STARD7: variants seen among roughly 807,000 people sequenced by gnomAD.
STARD7 encodes stAR-related lipid transfer protein 7, mitochondrial.
A neutral mutation model predicts 45.3 loss-of-function variants in STARD7; 30 were observed. The observed-to-expected ratio is 0.66, with a 90% CI of 0.50 to 0.90. The LOEUF (loss-of-function observed/expected upper bound fraction) is 0.90. STARD7 is among the 40% of genes least tolerant of loss of function. The pLI, the probability that STARD7 is intolerant of heterozygous loss-of-function variation, is 0.00. For synonymous variants in STARD7, 199 were observed against 183.0 expected (o/e 1.09, Z -0.70); for missense variants, 495 against 491.3 (o/e 1.01, Z -0.07).
chr2:96,202,736 A>T (rs1295016674), intron 1 of STARD7, among the ~76,000 whole-genome samples: 1 of 152,222 alleles, frequency 6.6e-6, no homozygotes, highest in Non-Finnish European at 1.5e-5. Flanking sequence ...GGCACATGCC[A>T]CAACACCTGG....
At chr2:96,190,180 T>C (rs904146258) in intron 6 of STARD7, among the ~76,000 whole-genome samples, 3 of 152,112 alleles carry the variant, frequency 2.0e-5, no homozygotes, top group Non-Finnish European at 2.9e-5. Flanking sequence ...AAGATGAACC[T>C]ACAACATCTT....
chr2:96,187,459 AC>A, intron 6 of STARD7, 158 bp from the exon 7 acceptor site: 1 of 568,520 alleles, frequency 1.8e-6, no homozygotes, highest in Non-Finnish European at 3.1e-6. Context: ...GGCCTGAGAG[AC>A]TACTATCTAT....
At chr2:96,190,987 GA>G (rs949257678) in intron 6 of STARD7, among the ~76,000 whole-genome samples, 1 of 151,972 alleles carries the variant, frequency 6.6e-6, no homozygotes, top group African/African-American at 2.4e-5. Context: ...AGCATGGTGA[GA>G]CCCCATCTCT....
At chr2:96,187,478 TCTC>T in intron 6 of STARD7, 177 bp from the exon 7 acceptor site, 1 of 532,252 alleles carries the variant, frequency 1.9e-6, no homozygotes, top group Non-Finnish European at 3.4e-6. Flanking sequence ...TATAGAAAGG[TCTC>T]CTTGCAATGT....
chr2:96,208,641 G>A lies in STARD7; in HGVS notation c.-207C>T. On this transcript the variant is annotated 5_prime_UTR_variant, in exon 1 of 8. Coordinates refer to ENST00000337288, the MANE Select transcript of STARD7 (RefSeq NM_020151.4). ...GGGAGAGTCGGTCATGGCAGCAGAC[G>A]CCGGGATGGCTCCGCGACTGCTACA... 3 of 469,950 alleles carry A rather than the reference G, an allele frequency of 6.4e-6. No homozygotes were observed. Among genetic ancestry groups the A allele is most frequent in the South Asian group, 4.5e-5 (1 of 22,212 alleles). The allele number at this position is 469,950 out of a possible 1,614,324, so 29.1% of individuals were successfully genotyped here.
At chr2:96,203,664 G>C (rs937054561) in intron 1 of STARD7, among the ~76,000 whole-genome samples, 1 of 152,194 alleles carries the variant, frequency 6.6e-6, no homozygotes, top group Non-Finnish European at 1.5e-5. Context: ...GACACACCTA[G>C]AAATAAAAGA....
chr2:96,189,487 T>C (rs1573939891), intron 6 of STARD7, among the ~76,000 whole-genome samples: 1 of 152,108 alleles, frequency 6.6e-6, no homozygotes, highest in Admixed American at 6.6e-5. Context: ...GGCGGATCAC[T>C]TGAAGTCAGG....
chr2:96,187,362 C>T, intron 6 of STARD7, 61 bp from the exon 7 acceptor site: 1 of 1,022,686 alleles, frequency 9.8e-7, no homozygotes, highest in South Asian at 1.3e-5. Flanking sequence ...CCTCCATATC[C>T]AGTACCATAG....
In STARD7 at chr2:96,192,467, C is replaced by T; in HGVS notation, c.745G>A (p.Ala249Thr). 6.2e-7 allele frequency: 1 copy of T among 1,612,608 alleles called. No homozygotes were observed. The change falls in exon 6 of 8, where the codon GCT becomes ACT. Residue 249 changes from alanine to threonine, a missense_variant and splice_region_variant. Ala to Thr is a moderately conservative substitution (Grantham distance 58). Transcript: ENST00000337288. ...ENNMMVLVSR[A>T]VEHPSVPESP... ...TCTGGCACACTCGGATGCTCCACAG[C>T]ACTGGTAAGGAGGAAAGGAGAAGCA...
chr2:96,194,616 G>A (rs1193213279), intron 3 of STARD7, among the ~76,000 whole-genome samples: 2 of 152,122 alleles, frequency 1.3e-5, no homozygotes, highest in African/African-American at 4.8e-5. Context: ...AATACACACT[G>A]GAAGAATTTA....
At chr2:96,195,969 C>T (rs1400405135) in intron 1 of STARD7, among the ~76,000 whole-genome samples, 5 of 151,652 alleles carry the variant, frequency 3.3e-5, no homozygotes, top group Admixed American at 6.6e-5. Context: ...AAAAATTAAC[C>T]GGGCATGGTG....
Position 96,195,403 on chromosome 2 carries a change from T to C in STARD7, c.437A>G (p.Asp146Gly). 1 of 1,608,468 alleles carries C rather than the reference T, an allele frequency of 6.2e-7. No individual in the cohort carries two copies. Among genetic ancestry groups the C allele is most frequent in the Non-Finnish European group, 8.5e-7 (1 of 1,177,344 alleles). Residue 146 changes from aspartate to glycine, a missense_variant, in exon 2 of 8, where the codon GAT (aspartate) becomes GGT (glycine). Around this residue, in one of 2 missense-constraint regions of STARD7, gnomAD observed 282 missense variants for 220.1 expected, o/e 1.28. Coordinates refer to ENST00000337288, the MANE Select transcript of STARD7 (RefSeq NM_020151.4). ...CCGCCACAGCTTAAAGTGTTTCTTATCCATCACCATTTCCCAACGTTGCTC... is the reference window on the plus strand; with the variant it reads ...CCGCCACAGCTTAAAGTGTTTCTTACCCATCACCATTTCCCAACGTTGCTC... ...GKEQRWEMVM[D>G]KKHFKLWRRP...
intron 3 of STARD7, 88 bp downstream of exon 3, chr2:96,194,870 T>C: frequency 3.6e-6 from 4 of 1,125,306 alleles, no homozygotes; most frequent in Non-Finnish European, 5.2e-6. Context: ...CTTAAGCCAA[T>C]GTCACCTGAG....
intron 1 of STARD7, among the ~76,000 whole-genome samples, chr2:96,205,650 G>A (rs1489519770): frequency 6.6e-6 from 1 of 152,152 alleles, no homozygotes; most frequent in East Asian, 1.9e-4. Context: ...GACAACCTCA[G>A]CAGTGCCTAC....
intron 6 of STARD7, among the ~76,000 whole-genome samples, chr2:96,188,700 A>G (rs1351398741): frequency 1.3e-5 from 2 of 151,616 alleles, no homozygotes; most frequent in African/African-American, 4.8e-5. Context: ...CCTGGCCAAC[A>G]TGGCAAAACC....
intron 1 of STARD7, among the ~76,000 whole-genome samples, chr2:96,201,251 T>C (rs1021951135): frequency 3.3e-5 from 5 of 151,784 alleles, no homozygotes; most frequent in Non-Finnish European, 7.4e-5. Flanking sequence ...AAAATGAAAA[T>C]AGGCCTCAGT....
At chr2:96,192,087 T>C (rs1683133282) in intron 6 of STARD7, among the ~76,000 whole-genome samples, 1 of 152,184 alleles carries the variant, frequency 6.6e-6, no homozygotes, top group Non-Finnish European at 1.5e-5. Flanking sequence ...TCCTGAAGAA[T>C]GCTACTGATA....
At position 96,191,823 on chromosome 2, in the gene STARD7, A is replaced by G. The variant is rs193262598; in HGVS notation, c.843+546T>C. ...CATTATAAGGTGAAGTGGAACTAAA[A>G]CCAGCAGCCACTAGCATCAATATCT... On this transcript the variant is annotated intron_variant, in intron 6 of 7. Transcript: ENST00000337288. 2.8e-3 allele frequency among the ~76,000 whole-genome samples: 427 copies of G among 152,280 alleles called. 1 individual carries two copies. The highest frequency in any genetic ancestry group is 9.7e-3 in the African/African-American group (401 of 41,552).
Position 96,195,484 on chromosome 2 carries a change from T to C in STARD7, c.356A>G (p.His119Arg). 6 of 1,613,802 alleles carry C rather than the reference T, an allele frequency of 3.7e-6. No individual in the cohort carries two copies. Among genetic ancestry groups the C allele is most frequent in the Non-Finnish European group, 5.1e-6 (6 of 1,179,786 alleles). The change falls in exon 2 of 8, where the codon CAC becomes CGC. Residue 119 changes from histidine to arginine, a missense_variant. Physicochemically the swap from His to Arg is conservative, Grantham distance 29. Coordinates refer to ENST00000337288, the MANE Select transcript of STARD7 (RefSeq NM_020151.4). ...TTGGGCTTTTGGTTCTGGAGGGTGG[T>C]GCTGGACTCCAGAGCTCTGAAACAT... ...SNMFQSSGVQ[H>R]HPPEPKAQTE...
Sources: allele counts gnomAD v4.1 joint callset (sites outside exome capture counted in the v4.1 genomes callset), GRCh38; gene constraint gnomAD v4.1.1; regional missense constraint gnomAD v4.1.1; transcripts MANE v1.5; gene names NCBI Gene and HGNC (gene_info 2026-07-23, HGNC 2026-07-21).